The following OR10AG1 variants were observed in gnomAD, a reference collection of about 807,000 sequenced individuals.
OR10AG1 encodes the protein olfactory receptor family 10 subfamily AG member 1, also known as olfactory receptor 10AG1.
For missense variants in OR10AG1, 433 were observed against 376.5 expected, an observed-to-expected ratio of 1.15 and a Z score of -1.24; for synonymous variants, 147 against 128.6, an observed-to-expected ratio of 1.14 and a Z score of -0.97.
chr11:55,967,497 T>A lies in OR10AG1; in HGVS notation c.*61A>T. ...CCATAGGGACAAAGTTAAAAAAAAA[T>A]TCACTGAAGCCACATGACAAACCTA... On this transcript the variant is annotated 3_prime_UTR_variant, in exon 2 of 2. Transcript: ENST00000641071. 5 of 1,097,482 alleles carry A rather than the reference T, an allele frequency of 4.6e-6. No individual in the cohort carries two copies. Among genetic ancestry groups the A allele is most frequent in the Admixed American group, 2.4e-5 (1 of 42,522 alleles). The allele number at this position is 1,097,482 out of a possible 1,614,324, so 68.0% of individuals were successfully genotyped here.
rs771059566 is a variant in OR10AG1, at chr11:55,968,238, T to C, written c.286A>G (p.Ile96Val). Residue 96 changes from isoleucine (I) to valine (V), a missense_variant, in exon 2 of 2, where the codon ATT becomes GTT. Transcript: ENST00000641071. The part of the protein sequence containing the change: ...TIIIPRMLMD[I>V]WTQKGNISLF... ...GAAATATTTCCTTTCTGAGTCCAAA[T>C]GTCCATGAGCATTCTTGGGATAATG... 7 of 1,613,766 alleles carry C rather than the reference T, an allele frequency of 4.3e-6. No individual in the cohort carries two copies. In the African/African-American group the frequency reaches 6.7e-5, roughly 15 times the overall value.
chr11:55,967,649 A>T lies in OR10AG1; in HGVS notation c.875T>A (p.Leu292Gln). ...TATAATAGGATTCAAAGTTGGAATC[A>T]GAATGGTGTAGAAAAGAGAAATCAG... ...GKLISLFYTI[L>Q]IPTLNPIIYT... The change falls in exon 2 of 2, where the codon CTG becomes CAG. Residue 292 changes from leucine (L) to glutamine (Q), a missense_variant. Physicochemically the swap from Leu to Gln is moderately radical, Grantham distance 113. Coordinates refer to ENST00000641071, the MANE Select transcript of OR10AG1 (RefSeq NM_001005491.2). The T allele has an allele frequency of 6.2e-7, 1 of 1,612,848 alleles. No individual in the cohort carries two copies. The highest frequency in any genetic ancestry group is 1.7e-4 in the Middle Eastern group (1 of 6,056).
Position 55,966,291 on chromosome 11 carries a change from T to TATATATATATATATATA in OR10AG1, c.*1266_*1267insTATATATATATATATAT, listed in dbSNP as rs1491230740. 1.6e-5 allele frequency: 1 copy of TATATATATATATATATA among 61,754 alleles called. No individual in the cohort carries two copies. The highest frequency in any genetic ancestry group is 6.4e-5 in the African/African-American group (1 of 15,558). The allele number at this position is 61,754 out of a possible 1,614,324, so 3.8% of individuals were successfully genotyped here. On this transcript the variant is annotated 3_prime_UTR_variant, in exon 2 of 2. Coordinates refer to ENST00000641071, the MANE Select transcript of OR10AG1 (RefSeq NM_001005491.2). Reference sequence around the variant, plus strand: ...AAGAATATATATATATATATATATATTTTTTTTTTTAAACAGAAGTCAATT... The same window carrying TATATATATATATATATA: ...AAGAATATATATATATATATATATATATATATATATATATATATTTTTTTTTTAAACAGAAGTCAATT...
At chr11:55,968,565 C>T (rs966668195) in intron 1 of OR10AG1, 58 bp from the exon 2 acceptor site, 22 of 758,234 alleles carry the variant, frequency 2.9e-5, no homozygotes, top group Non-Finnish European at 3.9e-5. Context: ...CAATATTTTC[C>T]TCTTGGGTTA....
At chr11:55,969,267 A>G (rs1053460193) in intron 1 of OR10AG1, among the ~76,000 whole-genome samples, 33 of 151,970 alleles carry the variant, frequency 2.2e-4, no homozygotes, top group African/African-American at 7.0e-4. Context: ...ACCAAATACA[A>G]TTCCTTCTCT....
rs1349535736 is a variant in OR10AG1, at chr11:55,967,742, A to C, written c.782T>G (p.Leu261Ter). ...AGTGATAGTACCTGCTCCAAAGAAT[A>C]AGATTACAACTATTAGGTGAGATGA... is the stretch of plus-strand genomic sequence containing the variant. ...TCSSHLIVVI[L>*]FFGAGTITYL... Residue 261 changes from leucine (L) to a stop codon, truncating the protein, a stop_gained, in exon 2 of 2, where the codon TTA (leucine) becomes TGA (stop). Transcript: ENST00000641071. LOFTEE classifies it low-confidence loss of function (END_TRUNC). The C allele has an allele frequency of 6.2e-7, 1 of 1,613,864 alleles. No individual in the cohort carries two copies. The highest frequency in any genetic ancestry group is 8.5e-7 in the Non-Finnish European group (1 of 1,179,834).
intron 1 of OR10AG1, among the ~76,000 whole-genome samples, chr11:55,968,733 G>T (rs1301406463): frequency 1.3e-5 from 2 of 152,082 alleles, no homozygotes; most frequent in Non-Finnish European, 1.5e-5. Flanking sequence ...GCAACCAGAG[G>T]CATTGAGAAG....
rs1852683109 is a variant in OR10AG1 at position 55,965,811 on chromosome 11, A to T, written c.*1747T>A. Reference sequence around the variant, plus strand: ...TAAATTGTAAATTAAAATATAATAAAACAGAAATCTTCTGAATTCTTGCCA... The same window carrying T: ...TAAATTGTAAATTAAAATATAATAATACAGAAATCTTCTGAATTCTTGCCA... On this transcript the variant is annotated 3_prime_UTR_variant, in exon 2 of 2. Coordinates refer to ENST00000641071, the MANE Select transcript of OR10AG1 (RefSeq NM_001005491.2). 6.6e-6 allele frequency: 1 copy of T among 152,092 alleles called. No individual in the cohort carries two copies. The allele number at this position is 152,092 out of a possible 1,614,324, so 9.4% of individuals were successfully genotyped here. A position where few individuals can be genotyped will look rare whatever the true frequency, so the allele number is the denominator to read the frequency against.
At chr11:55,969,195 A>T (rs543855262) in intron 1 of OR10AG1, among the ~76,000 whole-genome samples, 68 of 151,184 alleles carry the variant, frequency 4.5e-4, no homozygotes, top group Non-Finnish European at 8.5e-4. Context: ...TTTTTTTTAC[A>T]TTTCTTTTTT....
In OR10AG1 at chr11:55,966,110, TACTC is replaced by T. The variant is rs1852685470; in HGVS notation, c.*1444_*1447del. The T allele has an allele frequency of 6.6e-6, 1 of 151,990 alleles. No homozygotes were observed. Among genetic ancestry groups the T allele is most frequent in the Non-Finnish European group, 1.5e-5 (1 of 67,998 alleles). The allele number at this position is 151,990 out of a possible 1,614,324, so 9.4% of individuals were successfully genotyped here. On this transcript the variant is annotated 3_prime_UTR_variant, in exon 2 of 2. Coordinates refer to ENST00000641071, the MANE Select transcript of OR10AG1 (RefSeq NM_001005491.2). ...AAAGATGTACTCCAGTGTCTTCATA[TACTC>T]TGAGAGTGACTTCCCTTTACTCCCA...
Position 55,968,024 on chromosome 11 carries a change from A to G in OR10AG1, c.500T>C (p.Val167Ala). The G allele has an allele frequency of 6.2e-7, 1 of 1,613,694 alleles. No homozygotes were observed. The highest frequency in any genetic ancestry group is 8.5e-7 in the Non-Finnish European group (1 of 1,179,674). The stretch of plus-strand genomic sequence containing the variant: ...GAAAATTTGGCATGTTTCCCCAATT[A>G]CTACAGGAATTGTGATGGTCCAGGA... ...IASWTITIPV[V>A]IGETCQIFLL... Residue 167 changes from valine (V) to alanine (A), a missense_variant, in exon 2 of 2, where the codon GTA becomes GCA. Val to Ala is a moderately conservative substitution (Grantham distance 64). Coordinates refer to ENST00000641071, the MANE Select transcript of OR10AG1 (RefSeq NM_001005491.2).
chr11:55,967,779 A>C lies in OR10AG1; in HGVS notation c.745T>G (p.Phe249Val). The C allele has an allele frequency of 1.9e-6, 3 of 1,613,876 alleles. No homozygotes were observed. The highest frequency in any genetic ancestry group is 2.5e-6 in the Non-Finnish European group (3 of 1,179,846). ...ATTAGGTGAGATGAGCAGGTGGAGAAGGCTTTAGCCTTTCCTCTGGCTGAT... is the reference window on the plus strand; with the variant it reads ...ATTAGGTGAGATGAGCAGGTGGAGACGGCTTTAGCCTTTCCTCTGGCTGAT... ...LSSARGKAKA[F>V]STCSSHLIVV... The change falls in exon 2 of 2, where the codon TTC becomes GTC. Residue 249 changes from phenylalanine to valine, a missense_variant. Transcript: ENST00000641071.
At chr11:55,969,455 A>G (rs1352654427) in intron 1 of OR10AG1, among the ~76,000 whole-genome samples, 1 of 152,146 alleles carries the variant, frequency 6.6e-6, no homozygotes, top group East Asian at 1.9e-4. Context: ...CAATATGAGG[A>G]AATCACTGCT....
chr11:55,969,884 T>C lies in OR10AG1; in HGVS notation c.16+8A>G, dbSNP rs1247500846. ...ATAAAATAGTCTGTCAACCCAATTA[T>C]GGCTTACCTTTAGGGATTTGCATGA... On this transcript the variant is annotated splice_region_variant and intron_variant, in intron 1 of 1. Coordinates refer to ENST00000641071, the MANE Select transcript of OR10AG1 (RefSeq NM_001005491.2). 5 of 398,232 alleles carry C rather than the reference T, an allele frequency of 1.3e-5. No homozygotes were observed. Among genetic ancestry groups the C allele is most frequent in the Non-Finnish European group, 1.8e-5 (4 of 225,966 alleles). 24.7% of individuals were successfully genotyped at this position (398,232 alleles called of 1,614,324 possible). A position where few individuals can be genotyped will look rare whatever the true frequency, so the allele number is the denominator to read the frequency against.
At chr11:55,969,492 C>T (rs553490974) in intron 1 of OR10AG1, among the ~76,000 whole-genome samples, 261 of 152,210 alleles carry the variant, frequency 1.7e-3, no homozygotes, top group African/African-American at 6.0e-3. Context: ...ACTTGCTTAA[C>T]GTTTGTTCTC....
chr11:55,969,526 T>C (rs1175739079), intron 1 of OR10AG1, among the ~76,000 whole-genome samples: 2 of 152,156 alleles, frequency 1.3e-5, no homozygotes, highest in Non-Finnish European at 2.9e-5. Flanking sequence ...AAATTCTTTT[T>C]TTCTGTGTCT....
chr11:55,967,726 A>G lies in OR10AG1; in HGVS notation c.798T>C (p.Gly266=), dbSNP rs1852701971. 1 of 1,613,844 alleles carries G rather than the reference A, an allele frequency of 6.2e-7. No homozygotes were observed. Among genetic ancestry groups the G allele is most frequent in the African/African-American group, 1.3e-5 (1 of 74,856 alleles). ...LIVVILFFGA[G]TITYLQPKPH... Reference sequence around the variant, plus strand: ...GTTTGGGCTGTAAATAAGTGATAGTACCTGCTCCAAAGAATAAGATTACAA... The same window carrying G: ...GTTTGGGCTGTAAATAAGTGATAGTGCCTGCTCCAAAGAATAAGATTACAA... Residue 266 remains glycine, a synonymous_variant, in exon 2 of 2, where the codon GGT becomes GGC. Coordinates refer to ENST00000641071, the MANE Select transcript of OR10AG1 (RefSeq NM_001005491.2).
rs1003323246 is a variant in OR10AG1 at position 55,967,559 on chromosome 11, C to T, written c.965G>A (p.Ter322=). 1.3e-6 allele frequency: 2 copies of T among 1,552,390 alleles called. No individual in the cohort carries two copies. Among genetic ancestry groups the T allele is most frequent in the Admixed American group, 1.9e-5 (1 of 52,632 alleles). ...LRKLLAKLLT[*] is the part of the protein sequence containing the mutation. ...TTTCTGTAATTTCAAGTCTTCATCT[C>T]ATGTTAATAACTTAGCTAGTAATTT... The change falls in exon 2 of 2, where the codon TGA becomes TAA. Residue 322 remains the stop codon, a stop_retained_variant. Transcript: ENST00000641071.
Position 55,966,292 on chromosome 11 carries a change from T to TATATATATA in OR10AG1, c.*1265_*1266insTATATATAT, listed in dbSNP as rs376029198. On this transcript the variant is annotated 3_prime_UTR_variant, in exon 2 of 2. Coordinates refer to ENST00000641071, the MANE Select transcript of OR10AG1 (RefSeq NM_001005491.2). ...AGAATATATATATATATATATATAT[T>TATATATATA]TTTTTTTTTAAACAGAAGTCAATTT... 1.7e-5 allele frequency: 1 copy of TATATATATA among 59,454 alleles called. No homozygotes were observed. Among genetic ancestry groups the TATATATATA allele is most frequent in the African/African-American group, 6.3e-5 (1 of 15,902 alleles). The allele number at this position is 59,454 out of a possible 1,614,324, so 3.7% of individuals were successfully genotyped here. A position where few individuals can be genotyped will look rare whatever the true frequency, so the allele number is the denominator to read the frequency against.
Sources: gnomAD v4.1 joint callset for allele counts (sites outside exome capture counted in the v4.1 genomes callset) on GRCh38, gnomAD v4.1.1 for gene constraint, MANE v1.5 for transcripts, NCBI Gene and HGNC (gene_info 2026-07-23, HGNC 2026-07-21) for gene names.